The following AHNAK2 variants were observed in gnomAD, a reference collection of about 807,000 sequenced individuals.
The protein encoded by AHNAK2 is protein AHNAK2.
AHNAK2 carries 18 observed loss-of-function variants against 30.7 expected under a neutral mutation model. That is an observed-to-expected ratio of 0.59 (90% CI 0.41 to 0.87). AHNAK2 has a LOEUF of 0.87. Among genes scored for constraint, AHNAK2 ranks in the 40% least tolerant of loss-of-function variants. The pLI is 0.00. For synonymous variants in AHNAK2, 3,590 were observed against 3,073.8 expected (o/e 1.17, Z -5.56); for missense variants, 8,604 against 7,373.0 (o/e 1.17, Z -6.11).
At chr14:104,967,734 G>A (rs1460472666) in intron 1 of AHNAK2, among the ~76,000 whole-genome samples, 1 of 152,228 alleles carries the variant, frequency 6.6e-6, no homozygotes, top group Non-Finnish European at 1.5e-5. Context: ...TGGGCTGGCA[G>A]GAGCCTGGCC....
Position 104,941,119 on chromosome 14 carries a change from G to C in AHNAK2, c.14332C>G (p.His4778Asp). 1 of 1,613,654 alleles carries C rather than the reference G, an allele frequency of 6.2e-7. No individual in the cohort carries two copies. ...GGAGAGAGAATAGAAGATTCAAAGT[G>C]AGGACCAGTGAGATCAAGCCGGGAT... Reference protein sequence around the residue: ...PSSRLDLTGPHFESSILSPCE... With the variant: ...PSSRLDLTGPDFESSILSPCE... The change falls in exon 7 of 7, where the codon CAC (histidine) becomes GAC (aspartate). Residue 4778 changes from histidine (H) to aspartate (D), a missense_variant. Coordinates refer to ENST00000333244, the MANE Select transcript of AHNAK2 (RefSeq NM_138420.4).
In AHNAK2 at chr14:104,946,294, C is replaced by T. The variant is rs1434057803; in HGVS notation, c.9157G>A (p.Glu3053Lys). The T allele has an allele frequency of 7.4e-6, 12 of 1,611,948 alleles. No individual in the cohort carries two copies. The highest frequency in any genetic ancestry group is 1.7e-4 in the Middle Eastern group (1 of 6,054). Residue 3053 changes from glutamate to lysine, a missense_variant, in exon 7 of 7, where the codon GAG (glutamate) becomes AAG (lysine). Glu to Lys is a moderately conservative substitution (Grantham distance 56, BLOSUM62 1). Coordinates refer to ENST00000333244, the MANE Select transcript of AHNAK2 (RefSeq NM_138420.4). ...DLKLPEGHVP[E>K]GAGLKGHLPK... ...AGGTGCCCTTTGAGGCCAGCTCCCT[C>T]GGGAACGTGGCCCTCTGGGAGCTTC...
rs372687621 is a variant in AHNAK2 at position 104,947,918 on chromosome 14, C to T, written c.7533G>A (p.Pro2511=). ...AGAGGCTCCCGTCGGCCTCCACCTT[C>T]GGCGCAGACACATCCACCGAGGCCT... ...SIEASVDVSA[P]KVEADGSLSS... is the part of the protein sequence containing the mutation. The change falls in exon 7 of 7, where the codon CCG becomes CCA. Residue 2511 remains proline (P), a synonymous_variant. Coordinates refer to ENST00000333244, the MANE Select transcript of AHNAK2 (RefSeq NM_138420.4). 7.0e-5 allele frequency: 113 copies of T among 1,612,510 alleles called. No homozygotes were observed. The highest frequency in any genetic ancestry group is 8.9e-5 in the East Asian group (4 of 44,760).
chr14:104,957,279 C>G, intron 3 of AHNAK2, 131 bp downstream of exon 3: 1 of 821,364 alleles, frequency 1.2e-6, no homozygotes, highest in Non-Finnish European at 1.9e-6. Flanking sequence ...TCTGAGAGGA[C>G]ATCTGAGTGG....
Position 104,950,221 on chromosome 14 carries a change from C to A in AHNAK2, c.5230G>T (p.Val1744Leu), listed in dbSNP as rs368840104. ...GGCATCTTCAAACTGGGCATCTGCA[C>A]CTTGGGGAGGTGCCCTTTGAAGCCG... ...GAGFKGHLPK[V>L]QMPSLKMPKV... Residue 1744 changes from valine to leucine, a missense_variant, in exon 7 of 7, where the codon GTG (valine) becomes TTG (leucine). By Grantham distance (32) the Val-to-Leu change is conservative. Transcript: ENST00000333244. 8 of 1,585,646 alleles carry A rather than the reference C, an allele frequency of 5.0e-6. No individual in the cohort carries two copies. In the African/African-American group the frequency reaches 9.7e-5, roughly 19 times the overall value.
Position 104,948,729 on chromosome 14 carries a change from A to G in AHNAK2, c.6722T>C (p.Met2241Thr), listed in dbSNP as rs1257769081. ...CACTTTGGGCACCTTGAAACTGGGC[A>G]TCTGCAGCTTGGGCAGGTGCCCTTT... is the stretch of plus-strand genomic sequence containing the variant. ...GLKGHLPKLQ[M>T]PSFKVPKVDL... The change falls in exon 7 of 7, where the codon ATG becomes ACG. Residue 2241 changes from methionine to threonine, a missense_variant. Coordinates refer to ENST00000333244, the MANE Select transcript of AHNAK2 (RefSeq NM_138420.4). The G allele has an allele frequency of 1.9e-6, 3 of 1,611,312 alleles. No homozygotes were observed. The highest frequency in any genetic ancestry group is 1.4e-5 in the African/African-American group (1 of 73,534).
In AHNAK2 at chr14:104,943,486, C is replaced by T. The variant is rs749648496; in HGVS notation, c.11965G>A (p.Ala3989Thr). 6 of 1,613,132 alleles carry T rather than the reference C, an allele frequency of 3.7e-6. No homozygotes were observed. The highest frequency in any genetic ancestry group is 5.1e-6 in the Non-Finnish European group (6 of 1,179,634). The part of the protein sequence containing the change: ...GVSAPGKSME[A>T]SVDVTAPKVE... ...TTTGGCGCGGTCACATCCACTGATG[C>T]CTCCATGGACTTGCCTGGGGCAGAC... Residue 3989 changes from alanine to threonine, a missense_variant, in exon 7 of 7, where the codon GCA (alanine) becomes ACA (threonine). Coordinates refer to ENST00000333244, the MANE Select transcript of AHNAK2 (RefSeq NM_138420.4).
At position 104,949,437 on chromosome 14, in the gene AHNAK2, C is replaced by T. The variant is rs201724743; in HGVS notation, c.6014G>A (p.Arg2005Lys). 2,626 of 1,581,928 alleles carry T rather than the reference C, an allele frequency of 1.7e-3. 260 individuals are homozygous for T. Among genetic ancestry groups the T allele is most frequent in the South Asian group, 4.6e-3 (415 of 89,422 alleles). The change falls in exon 7 of 7, where the codon AGG (arginine) becomes AAG (lysine). Residue 2005 changes from arginine (R) to lysine (K), a missense_variant. Coordinates refer to ENST00000333244, the MANE Select transcript of AHNAK2 (RefSeq NM_138420.4). The stretch of plus-strand genomic sequence containing the variant: ...CACATCCACCGAGGCCTCGATGGAC[C>T]TCCCTGGGGCCGATACCCCGAACGA... ...MPSFGVSAPG[R>K]SIEASVDVPA...
chr14:104,954,140 C>A lies in AHNAK2; in HGVS notation c.1311G>T (p.Lys437Asn), dbSNP rs201328766. 1,493 of 1,611,084 alleles carry A rather than the reference C, an allele frequency of 9.3e-4. 12 individuals are homozygous for A. Among genetic ancestry groups the A allele is most frequent in the South Asian group, 9.1e-4 (83 of 91,078 alleles). Reference sequence around the variant, plus strand: ...TTCCAGGAGTTGGCTGGGCCCTGGGCTTCCTCTGGGCCACTGCTGTCTCCT... The same window carrying A: ...TTCCAGGAGTTGGCTGGGCCCTGGGATTCCTCTGGGCCACTGCTGTCTCCT... The part of the protein sequence containing the change: ...QAQETAVAQR[K>N]PRAQPTPGMS... The change falls in exon 7 of 7, where the codon AAG becomes AAT. Residue 437 changes from lysine to asparagine, a missense_variant. Transcript: ENST00000333244. This position sits in a 1 kb window ranked among gnomAD's most constrained non-coding sequence, Gnocchi z 4.3.
Position 104,944,900 on chromosome 14 carries a change from C to A in AHNAK2, c.10551G>T (p.Lys3517Asn), listed in dbSNP as rs1290518601. 6.2e-7 allele frequency: 1 copy of A among 1,613,194 alleles called. No homozygotes were observed. ...GGGGCTGAATGCTGAGGTCAGTGGC[C>A]TTGAGGTCCCCCTGCATGGAGGAGA... Reference protein sequence around the residue: ...VSLSSMQGDLKATDLSIQPPS... With the variant: ...VSLSSMQGDLNATDLSIQPPS... The change falls in exon 7 of 7, where the codon AAG (lysine) becomes AAT (asparagine). Residue 3517 changes from lysine (K) to asparagine (N), a missense_variant. Coordinates refer to ENST00000333244, the MANE Select transcript of AHNAK2 (RefSeq NM_138420.4).
chr14:104,955,415 C>A (rs879070933), intron 5 of AHNAK2, 68 bp downstream of exon 5: 3 of 1,535,798 alleles, frequency 2.0e-6, no homozygotes, highest in Non-Finnish European at 1.8e-6. Flanking sequence ...CCCCTCAATA[C>A]CCCCCTCCAG....
rs370453583 is a variant in AHNAK2 at position 104,951,869 on chromosome 14, C to T, written c.3582G>A (p.Glu1194=). 2.0e-3 allele frequency: 3,144 copies of T among 1,606,570 alleles called. 94 individuals carry two copies. The highest frequency in any genetic ancestry group is 0.015 in the African/African-American group (1,066 of 73,330). ...ASVDVSAPKV[E]ADVSLPSMQG... ...GCATGGAGGGGAGACTCACGTCGGC[C>T]TCCACTTTGGGTGCAGACACATCCA... The change falls in exon 7 of 7, where the codon GAG becomes GAA. Residue 1194 remains glutamate (E), a synonymous_variant. Transcript: ENST00000333244.
rs751717392 is a variant in AHNAK2, at chr14:104,948,523, C to T, written c.6928G>A (p.Asp2310Asn). The T allele has an allele frequency of 1.2e-6, 2 of 1,612,070 alleles. No homozygotes were observed. The highest frequency in any genetic ancestry group is 1.7e-6 in the Non-Finnish European group (2 of 1,179,532). ...AACTTGCTGTCTTTGGCAGTCACGT[C>T]CTTGTCGGCCAGGGACATGTCCCCC... ...LEGDMSLADK[D>N]VTAKDSKFKM... is the part of the protein sequence containing the mutation. The change falls in exon 7 of 7, where the codon GAC becomes AAC. Residue 2310 changes from aspartate to asparagine, a missense_variant. Transcript: ENST00000333244.
Position 104,954,708 on chromosome 14 carries a change from A to G in AHNAK2, c.743T>C (p.Val248Ala). The change falls in exon 7 of 7, where the codon GTG (valine) becomes GCG (alanine). Residue 248 changes from valine (V) to alanine (A), a missense_variant. By Grantham distance (64) the Val-to-Ala change is moderately conservative. Coordinates refer to ENST00000333244, the MANE Select transcript of AHNAK2 (RefSeq NM_138420.4). This position sits in a 1 kb window ranked among gnomAD's most constrained non-coding sequence, Gnocchi z 4.3. ...DQERLISKPR[V>A]GRGRQSQRER... Reference sequence around the variant, plus strand: ...CCTCTGGCTCTGCCTGCCTCTCCCCACCCTTGGTTTGGAGATGAGTCTCTC... The same window carrying G: ...CCTCTGGCTCTGCCTGCCTCTCCCCGCCCTTGGTTTGGAGATGAGTCTCTC... 6.2e-7 allele frequency: 1 copy of G among 1,612,032 alleles called. No homozygotes were observed. Among genetic ancestry groups the G allele is most frequent in the East Asian group, 2.2e-5 (1 of 44,838 alleles).
In AHNAK2 at chr14:104,940,842, A is replaced by G; in HGVS notation, c.14609T>C (p.Phe4870Ser). Residue 4870 changes from phenylalanine (F) to serine (S), a missense_variant, in exon 7 of 7, where the codon TTT (phenylalanine) becomes TCT (serine). Coordinates refer to ENST00000333244, the MANE Select transcript of AHNAK2 (RefSeq NM_138420.4). This position sits in a 1 kb window ranked among gnomAD's most constrained non-coding sequence, Gnocchi z 4.4. ...TGCCATTTGGGGGACTGAAAACACA[A>G]ACTTTGGTTTATAGAATTTAGGAAA... The part of the protein sequence containing the change: ...VSFPKFYKPK[F>S]VFSVPQMAVP... 6.2e-7 allele frequency: 1 copy of G among 1,613,094 alleles called. No individual in the cohort carries two copies. The highest frequency in any genetic ancestry group is 8.5e-7 in the Non-Finnish European group (1 of 1,179,858).
In AHNAK2 at chr14:104,947,745, A is replaced by C. The variant is rs1898373129; in HGVS notation, c.7706T>G (p.Val2569Gly). 1.2e-6 allele frequency: 2 copies of C among 1,612,238 alleles called. No homozygotes were observed. The highest frequency in any genetic ancestry group is 1.7e-6 in the Non-Finnish European group (2 of 1,179,462). The part of the protein sequence containing the change: ...GAGLKGHLPK[V>G]QMPSFKMPEM... ...AGGCATCTTGAAACTGGGCATCTGC[A>C]CCTTGGGCAGGTGCCCTTTGAGGCC... Residue 2569 changes from valine to glycine, a missense_variant, in exon 7 of 7, where the codon GTG becomes GGG. Transcript: ENST00000333244.
chr14:104,975,717 G>A (rs909664617), intron 1 of AHNAK2, among the ~76,000 whole-genome samples: 1 of 151,906 alleles, frequency 6.6e-6, no homozygotes, highest in Non-Finnish European at 1.5e-5. Context: ...CCCTCCCCCA[G>A]TGTAGATGAC....
In AHNAK2 at chr14:104,941,383, C is replaced by T; in HGVS notation, c.14068G>A (p.Val4690Ile). The T allele has an allele frequency of 6.2e-7, 1 of 1,613,418 alleles. No homozygotes were observed. The highest frequency in any genetic ancestry group is 8.5e-7 in the Non-Finnish European group (1 of 1,179,886). The change falls in exon 7 of 7, where the codon GTT becomes ATT. Residue 4690 changes from valine (V) to isoleucine (I), a missense_variant. Transcript: ENST00000333244. ...PSRDGNLGLAVGEVGMDSKFK... is the reference protein window; with the variant it reads ...PSRDGNLGLAIGEVGMDSKFK... ...TTCGAATCCATTCCAACTTCTCCAA[C>T]AGCAAGCCCCAAGTTACCATCGCGA...
chr14:104,948,954 G>A lies in AHNAK2; in HGVS notation c.6497C>T (p.Ser2166Phe), dbSNP rs568117634. The change falls in exon 7 of 7, where the codon TCT (serine) becomes TTT (phenylalanine). Residue 2166 changes from serine to phenylalanine, a missense_variant. Ser to Phe is a radical substitution (Grantham distance 155, BLOSUM62 -2). Transcript: ENST00000333244. ...GGCCTCGATGGACTTGCCTGGGGCA[G>A]ACACCCCAAACGACGGCATCTTGAA... ...PKFKMPSFGV[S>F]APGKSIEASV... The A allele has an allele frequency of 1.7e-5, 21 of 1,257,096 alleles. No individual in the cohort carries two copies. Among genetic ancestry groups the A allele is most frequent in the African/African-American group, 1.4e-4 (10 of 71,258 alleles). 77.9% of individuals were successfully genotyped at this position (1,257,096 alleles called of 1,614,324 possible).
Sources: gnomAD v4.1 joint callset for allele counts (sites outside exome capture counted in the v4.1 genomes callset) on GRCh38, gnomAD v4.1.1 for gene constraint, Gnocchi (gnomAD v3.1) non-coding constraint, MANE v1.5 for transcripts, NCBI Gene and HGNC (gene_info 2026-07-23, HGNC 2026-07-21) for gene names.